The following TBC1D32 variants were observed in gnomAD, a reference collection of about 807,000 sequenced individuals.
TBC1D32 encodes the protein TBC1 domain family member 32.
A neutral mutation model predicts 170.3 loss-of-function variants in TBC1D32; 151 were observed. The ratio of observed to expected loss-of-function variants is 0.89; its 90% CI spans 0.78 to 1.01. The LOEUF is 1.01. TBC1D32 is among the 50% of genes least tolerant of loss of function. The probability of loss-of-function intolerance (pLI) is 0.00; values close to 1 mark genes in which losing one functional copy is unlikely to be tolerated. For missense variants in TBC1D32, 1,464 were observed against 1,457.1 expected (o/e 1.00, Z -0.08); for synonymous variants, 498 against 488.0 (o/e 1.02, Z -0.27).
intron 12 of TBC1D32, among the ~76,000 whole-genome samples, chr6:121,289,425 C>T (rs1336629901): frequency 1.3e-5 from 2 of 152,104 alleles, no homozygotes; most frequent in Admixed American, 1.3e-4. Flanking sequence ...AATAAAATAC[C>T]TAGGAATCCA....
At chr6:121,201,708 T>C (rs1244442821) in intron 22 of TBC1D32, among the ~76,000 whole-genome samples, 1 of 151,230 alleles carries the variant, frequency 6.6e-6, no homozygotes, top group East Asian at 1.9e-4. Flanking sequence ...TAATTCTATT[T>C]TTATAAAAGA....
rs770018602 is a variant in TBC1D32 at position 121,314,311 on chromosome 6, T to C, written c.495+3184A>G. On this transcript the variant is annotated intron_variant, in intron 3 of 31. Transcript: ENST00000398212. Reference sequence around the variant, plus strand: ...ATGAGATGGGTCCCGCCTGGATAACTCGAGATCATCCTGCAATCTGAAGGT... The same window carrying C: ...ATGAGATGGGTCCCGCCTGGATAACCCGAGATCATCCTGCAATCTGAAGGT... Among the ~76,000 whole-genome samples, 58 of 152,284 alleles carry C rather than the reference T, an allele frequency of 3.8e-4. No individual in the cohort carries two copies. In the Middle Eastern group the frequency reaches 0.017, roughly 45 times the overall value.
At chr6:121,226,563 A>G (rs1456869284) in intron 20 of TBC1D32, among the ~76,000 whole-genome samples, 1 of 152,138 alleles carries the variant, frequency 6.6e-6, no homozygotes, top group African/African-American at 2.4e-5. Flanking sequence ...AACAAATTAG[A>G]ATTTGGAAGC....
At position 121,240,962 on chromosome 6, in the gene TBC1D32, T is replaced by C. The variant is rs114958729; in HGVS notation, c.2245+503A>G. ...CAAATGGACAGGGAAGAATATGTAC[T>C]TAACTGTCAACTTCAAAGATAATGT... On this transcript the variant is annotated intron_variant, in intron 19 of 31. Transcript: ENST00000398212. Among the ~76,000 whole-genome samples, 1,395 of 151,722 alleles carry C rather than the reference T, an allele frequency of 9.2e-3. 23 individuals are homozygous for C. Among genetic ancestry groups the C allele is most frequent in the African/African-American group, 0.032 (1,314 of 41,366 alleles).
chr6:121,154,364 T>C (rs1158520103), intron 24 of TBC1D32, among the ~76,000 whole-genome samples: 2 of 152,094 alleles, frequency 1.3e-5, no homozygotes, highest in Non-Finnish European at 2.9e-5. Context: ...GGTACCTCAG[T>C]TGGAAGTGCA....
At chr6:121,202,088 T>C (rs1298228580) in intron 22 of TBC1D32, among the ~76,000 whole-genome samples, 1 of 150,238 alleles carries the variant, frequency 6.7e-6, no homozygotes, top group African/African-American at 2.5e-5. Context: ...TATATATAGG[T>C]TTGGTAGCTG....
At chr6:121,126,998 C>T (rs1321661546) in intron 25 of TBC1D32, among the ~76,000 whole-genome samples, 1 of 152,056 alleles carries the variant, frequency 6.6e-6, no homozygotes, top group Non-Finnish European at 1.5e-5. Context: ...TTTGATAATG[C>T]CACTAGGCTT....
At chr6:121,110,964 AT>A (rs199853543) in intron 29 of TBC1D32, among the ~76,000 whole-genome samples, 1,830 of 152,292 alleles carry the variant, frequency 0.012, 15 homozygotes, top group Non-Finnish European at 0.018. Context: ...AAATGATGCT[AT>A]GGAAGGCACT....
At chr6:121,134,552 G>A (rs1355143636) in intron 24 of TBC1D32, among the ~76,000 whole-genome samples, 1 of 152,086 alleles carries the variant, frequency 6.6e-6, no homozygotes, top group Admixed American at 6.6e-5. Flanking sequence ...GAAATGCTGA[G>A]CTGAAAACAG....
At chr6:121,195,181 C>T (rs971636523) in intron 22 of TBC1D32, among the ~76,000 whole-genome samples, 98 of 152,292 alleles carry the variant, frequency 6.4e-4, no homozygotes, top group South Asian at 4.1e-4. Flanking sequence ...GTGTCCAGAA[C>T]AGGAGAAGGC....
intron 22 of TBC1D32, among the ~76,000 whole-genome samples, chr6:121,200,182 A>G (rs1296239856): frequency 1.3e-5 from 2 of 151,426 alleles, no homozygotes; most frequent in African/African-American, 4.9e-5. Flanking sequence ...TTAGAAGGAC[A>G]ATATTAACAT....
rs1431785300 is a variant in TBC1D32 at position 121,113,077 on chromosome 6, T to C, written c.3154A>G (p.Ile1052Val). The C allele has an allele frequency of 1.9e-6, 3 of 1,607,680 alleles. No individual in the cohort carries two copies. Among genetic ancestry groups the C allele is most frequent in the African/African-American group, 1.3e-5 (1 of 74,526 alleles). ...ERFLKQQQTS[I>V]KSSLLCLQGN... is the part of the protein sequence containing the mutation. ...AAAAGGATATGAAGAGAAGATTTTA[T>C]GGAAGTTTGCTGCTGTTTCAGGAAT... The change falls in exon 28 of 32, where the codon ATA (isoleucine) becomes GTA (valine). Residue 1052 changes from isoleucine (I) to valine (V), a missense_variant. Ile to Val is a conservative substitution (Grantham distance 29). Transcript: ENST00000398212.
intron 21 of TBC1D32, among the ~76,000 whole-genome samples, chr6:121,219,008 C>CT (rs1172550323): frequency 6.6e-6 from 1 of 152,106 alleles, no homozygotes; most frequent in African/African-American, 2.4e-5. Context: ...TCAAGTATGT[C>CT]TTTATTAGCA....
intron 20 of TBC1D32, among the ~76,000 whole-genome samples, chr6:121,226,663 T>A (rs1040458311): frequency 2.0e-5 from 3 of 152,212 alleles, no homozygotes; most frequent in African/African-American, 7.2e-5. Flanking sequence ...TAGTTACTCA[T>A]AAGGTTAGTG....
At position 121,241,474 on chromosome 6, in the gene TBC1D32, T is replaced by C. The variant is rs1294131112; in HGVS notation, c.2236A>G (p.Lys746Glu). The C allele has an allele frequency of 6.2e-7, 1 of 1,612,712 alleles. No individual in the cohort carries two copies. Residue 746 changes from lysine (K) to glutamate (E), a missense_variant, in exon 19 of 32, where the codon AAA (lysine) becomes GAA (glutamate). Coordinates refer to ENST00000398212, the MANE Select transcript of TBC1D32 (RefSeq NM_152730.6). ...AAAAGAAAACATTTACCTGACTTTTTTAGTGCAATGCCACCTGCTGCTGTT... is the reference window on the plus strand; with the variant it reads ...AAAAGAAAACATTTACCTGACTTTTCTAGTGCAATGCCACCTGCTGCTGTT... Reference protein sequence around the residue: ...ASTAAGGIALKKSGFINELIT... With the variant: ...ASTAAGGIALEKSGFINELIT...
At position 121,085,612 on chromosome 6, in the gene TBC1D32, C is replaced by T. The variant is rs143054972; in HGVS notation, c.3655-4722G>A. Among the ~76,000 whole-genome samples, 1,315 of 151,930 alleles carry T rather than the reference C, an allele frequency of 8.7e-3. 9 individuals carry two copies. Among genetic ancestry groups the T allele is most frequent in the South Asian group, 0.041 (199 of 4,820 alleles). On this transcript the variant is annotated intron_variant, in intron 31 of 31. Transcript: ENST00000398212. ...AGGTTTTCAAGCTACTTAAGATTTT[C>T]TACTACAATCTGACAACTCATGCTT... is the stretch of plus-strand genomic sequence containing the variant.
chr6:121,125,813 T>A (rs372891262), intron 26 of TBC1D32, among the ~76,000 whole-genome samples: 2 of 152,118 alleles, frequency 1.3e-5, no homozygotes, highest in Admixed American at 1.3e-4. Flanking sequence ...ACAGTTAAGA[T>A]TGCAGCAGAA....
At chr6:121,304,236 A>T (rs1384996767) in intron 8 of TBC1D32, 129 bp downstream of exon 8, 1 of 718,364 alleles carries the variant, frequency 1.4e-6, no homozygotes, top group African/African-American at 1.8e-5. Context: ...AAATAAAAAT[A>T]AAAATTTTAT....
chr6:121,119,495 A>AT (rs1046416874), intron 26 of TBC1D32, among the ~76,000 whole-genome samples: 13 of 151,924 alleles, frequency 8.6e-5, no homozygotes, highest in East Asian at 5.8e-4. Flanking sequence ...CAAAATGTTG[A>AT]TTTTTTTTCT....
Sources: gnomAD v4.1 joint callset for allele counts (sites outside exome capture counted in the v4.1 genomes callset) on GRCh38, gnomAD v4.1.1 for gene constraint, MANE v1.5 for transcripts, NCBI Gene and HGNC (gene_info 2026-07-23, HGNC 2026-07-21) for gene names.